WWC2: variants seen among roughly 807,000 people sequenced by gnomAD.
WWC2 encodes the protein protein WWC2.
WWC2 carries 101 observed loss-of-function variants against 138.5 expected under a neutral mutation model. That is an observed-to-expected ratio of 0.73 (90% confidence interval 0.62 to 0.86). The LOEUF is 0.86. WWC2 is among the 40% of genes least tolerant of loss of function. The probability of loss-of-function intolerance (pLI) is 0.00; values close to 1 mark genes in which losing one functional copy is unlikely to be tolerated. For synonymous variants in WWC2, 558 were observed against 538.4 expected, an observed-to-expected ratio of 1.04 and a Z score of -0.50; for missense variants, 1,420 against 1,419.4, an observed-to-expected ratio of 1.00 and a Z score of -0.01.
At chr4:183,296,880 G>C (rs1738645808) in intron 21 of WWC2, among the ~76,000 whole-genome samples, 1 of 129,842 alleles carries the variant, frequency 7.7e-6, no homozygotes, top group Non-Finnish European at 1.6e-5. Context: ...CTTGCAGTGA[G>C]CCGAGATCGC....
rs145794553 is a variant in WWC2 at position 183,195,002 on chromosome 4, C to G, written c.241+1294C>G. 1.6e-3 allele frequency among the ~76,000 whole-genome samples: 244 copies of G among 152,258 alleles called. 1 individual carries two copies. Among genetic ancestry groups the G allele is most frequent in the African/African-American group, 5.3e-3 (221 of 41,552 alleles). ...AGTTTCTGAAAGTTCTATGAAGAATCAATGATTGTGTTTTTAAGTTAGCTT... is the reference window on the plus strand; with the variant it reads ...AGTTTCTGAAAGTTCTATGAAGAATGAATGATTGTGTTTTTAAGTTAGCTT... On this transcript the variant is annotated intron_variant, in intron 2 of 22. Transcript: ENST00000403733.
chr4:183,146,750 C>T (rs915657658), intron 1 of WWC2, among the ~76,000 whole-genome samples: 2 of 152,112 alleles, frequency 1.3e-5, no homozygotes, highest in Admixed American at 1.3e-4. Flanking sequence ...AAAGACTCTG[C>T]CAGGAAGGTT....
intron 21 of WWC2, among the ~76,000 whole-genome samples, chr4:183,303,320 A>G (rs552556439): frequency 1.9e-4 from 29 of 152,330 alleles, no homozygotes; most frequent in African/African-American, 7.0e-4. Context: ...TTGAGCCTTT[A>G]TGAATTATGT....
chr4:183,107,379 C>A (rs1159105465), intron 1 of WWC2, among the ~76,000 whole-genome samples: 2 of 152,178 alleles, frequency 1.3e-5, no homozygotes, highest in Non-Finnish European at 2.9e-5. Flanking sequence ...AACTTTTGAC[C>A]TCAAGTGATC....
intron 1 of WWC2, among the ~76,000 whole-genome samples, chr4:183,132,831 A>G (rs1732970049): frequency 6.6e-6 from 1 of 152,088 alleles, no homozygotes; most frequent in Non-Finnish European, 1.5e-5. Flanking sequence ...ACATTAATTT[A>G]TATTCTAACA....
intron 1 of WWC2, among the ~76,000 whole-genome samples, chr4:183,174,329 G>T (rs4632701): frequency 6.6e-6 from 1 of 152,198 alleles, no homozygotes; most frequent in African/African-American, 2.4e-5. Flanking sequence ...CACACCCTCC[G>T]TCTGAAGTCT....
intron 21 of WWC2, among the ~76,000 whole-genome samples, chr4:183,310,256 C>T (rs1560899140): frequency 6.6e-6 from 1 of 152,002 alleles, no homozygotes; most frequent in Non-Finnish European, 1.5e-5. Flanking sequence ...CAAACGTACA[C>T]TCTGGTGGAG....
intron 14 of WWC2, 147 bp from the exon 15 acceptor site, chr4:183,268,824 C>G: frequency 1.1e-6 from 1 of 902,864 alleles, no homozygotes; most frequent in Non-Finnish European, 1.7e-6. Context: ...CAGCTGAGCA[C>G]GGACCCGTGA....
At chr4:183,228,737 T>C (rs1267998474) in intron 4 of WWC2, among the ~76,000 whole-genome samples, 1 of 152,088 alleles carries the variant, frequency 6.6e-6, no homozygotes, top group African/African-American at 2.4e-5. Flanking sequence ...AACTGGCCTT[T>C]CCTAATAAAG....
At chr4:183,186,515 T>A (rs1444469730) in intron 1 of WWC2, among the ~76,000 whole-genome samples, 2 of 151,936 alleles carry the variant, frequency 1.3e-5, no homozygotes, top group Non-Finnish European at 2.9e-5. Flanking sequence ...AAAAGAAGAA[T>A]CAGAAGGTTT....
chr4:183,262,470 G>C (rs17291527), intron 11 of WWC2, among the ~76,000 whole-genome samples: 3,584 of 152,312 alleles, frequency 0.024, 69 homozygotes, highest in Non-Finnish European at 0.036. Flanking sequence ...TAAGAATTCT[G>C]AGTAATTGAT....
chr4:183,119,453 A>C (rs1328606242), intron 1 of WWC2, among the ~76,000 whole-genome samples: 1 of 152,168 alleles, frequency 6.6e-6, no homozygotes, highest in Non-Finnish European at 1.5e-5. Flanking sequence ...ACCCTGAAGC[A>C]CTTGTCCTTT....
At chr4:183,177,883 A>T (rs1734509341) in intron 1 of WWC2, among the ~76,000 whole-genome samples, 1 of 152,042 alleles carries the variant, frequency 6.6e-6, no homozygotes, top group South Asian at 2.1e-4. Flanking sequence ...TGCCTCCATG[A>T]TCTTCACATT....
chr4:183,209,414 G>C (rs1735537566), intron 4 of WWC2, among the ~76,000 whole-genome samples: 1 of 152,170 alleles, frequency 6.6e-6, no homozygotes, highest in Non-Finnish European at 1.5e-5. Flanking sequence ...TTTTAGTAGA[G>C]ATGGGGTTTC....
chr4:183,199,269 G>T (rs528552529), intron 2 of WWC2, among the ~76,000 whole-genome samples: 3 of 152,132 alleles, frequency 2.0e-5, no homozygotes, highest in Non-Finnish European at 4.4e-5. Flanking sequence ...CAGGGAACGG[G>T]CCAGGTTCTT....
Position 183,261,034 on chromosome 4 carries a change from T to C in WWC2, c.1411T>C (p.Tyr471His). ...CTCCCTCAGTTCCACCGAACTCTAT[T>C]ACAGCAGTCAAAGTGATCAGATAGA... ...LNSLSSTELY[Y>H]SSQSDQIDVD... The change falls in exon 11 of 23, where the codon TAC (tyrosine) becomes CAC (histidine). Residue 471 changes from tyrosine to histidine, a missense_variant. Coordinates refer to ENST00000403733, the MANE Select transcript of WWC2 (RefSeq NM_024949.6). The C allele has an allele frequency of 6.2e-7, 1 of 1,614,002 alleles. No homozygotes were observed. The highest frequency in any genetic ancestry group is 8.5e-7 in the Non-Finnish European group (1 of 1,179,884).
rs1415885698 is a variant in WWC2 at position 183,272,991 on chromosome 4, T to C, written c.2562+1750T>C. Among the ~76,000 whole-genome samples, 5 of 152,330 alleles carry C rather than the reference T, an allele frequency of 3.3e-5. No homozygotes were observed. In the East Asian group the frequency reaches 5.8e-4, roughly 18 times the overall value. ...CTATGAGTAGAACTGTTAGGTTGTA[T>C]AGTAACTTTGTGTTTAATAATTTGA... On this transcript the variant is annotated intron_variant, in intron 16 of 22. Transcript: ENST00000403733.
At chr4:183,110,112 T>TAG (rs1245656114) in intron 1 of WWC2, among the ~76,000 whole-genome samples, 1 of 152,204 alleles carries the variant, frequency 6.6e-6, no homozygotes, top group Non-Finnish European at 1.5e-5. Context: ...TTTTGTGGTG[T>TAG]AGAGACAGCT....
intron 1 of WWC2, among the ~76,000 whole-genome samples, chr4:183,149,664 TTCTC>T (rs1353322244): frequency 6.7e-6 from 1 of 149,530 alleles, no homozygotes; most frequent in East Asian, 1.9e-4. Context: ...AATCTATAGC[TTCTC>T]TCTTTTTTTT....
Sources: allele counts gnomAD v4.1 joint callset (sites outside exome capture counted in the v4.1 genomes callset), GRCh38; gene constraint gnomAD v4.1.1; transcripts MANE v1.5; gene names NCBI Gene and HGNC (gene_info 2026-07-23, HGNC 2026-07-21).